The following SEPTIN4 variants were observed in gnomAD, a reference collection of about 807,000 sequenced individuals.
SEPTIN4 encodes the protein septin 4, also known as septin-4.
A neutral mutation model predicts 107.1 loss-of-function variants in SEPTIN4; 52 were observed. The ratio of observed to expected loss-of-function variants is 0.49; its 90% CI spans 0.39 to 0.61. SEPTIN4 has a LOEUF of 0.61. SEPTIN4 is among the 20% of genes least tolerant of loss of function. The pLI, the probability that SEPTIN4 is intolerant of heterozygous loss-of-function variation, is 0.00. For synonymous variants in SEPTIN4, 417 were observed against 467.0 expected (o/e 0.89, Z 1.38); for missense variants, 1,048 against 1,243.5 (o/e 0.84, Z 2.36).
chr17:58,540,460 A>G (rs2043847511), intron 3 of SEPTIN4, among the ~76,000 whole-genome samples: 1 of 152,222 alleles, frequency 6.6e-6, no homozygotes, highest in Non-Finnish European at 1.5e-5. Context: ...CCACAGGTGC[A>G]CAGCTTGGCA....
At chr17:58,525,817 G>A (rs1485594222) in intron 5 of SEPTIN4, 36 bp from the exon 6 acceptor site, 1 of 1,577,894 alleles carries the variant, frequency 6.3e-7, no homozygotes, top group Non-Finnish European at 8.7e-7. Flanking sequence ...CAAATCAGAA[G>A]GTAAGATCTA....
At chr17:58,528,734 C>T (rs1457701122) in intron 3 of SEPTIN4, among the ~76,000 whole-genome samples, 5 of 152,222 alleles carry the variant, frequency 3.3e-5, no homozygotes, top group Non-Finnish European at 5.9e-5. Context: ...AATGACCCAG[C>T]CGTTGGTCTG....
chr17:58,539,275 C>A, intron 3 of SEPTIN4: 1 of 1,015,522 alleles, frequency 9.8e-7, no homozygotes, highest in African/African-American at 1.6e-5. Context: ...AGGCTTTTGA[C>A]TTCCTAAACT....
chr17:58,539,316 G>A, intron 3 of SEPTIN4: 2 of 632,222 alleles, frequency 3.2e-6, no homozygotes, highest in Non-Finnish European at 5.3e-6. Context: ...AGGGGATGAA[G>A]GTGGGGGAGA....
intron 3 of SEPTIN4, among the ~76,000 whole-genome samples, chr17:58,533,957 C>A (rs2043622933): frequency 6.6e-6 from 1 of 152,204 alleles, no homozygotes; most frequent in Non-Finnish European, 1.5e-5. Context: ...ATGCCCCTCC[C>A]CGTGGCCTCA....
intron 7 of SEPTIN4, among the ~76,000 whole-genome samples, chr17:58,523,446 C>A (rs1304434891): frequency 2.0e-5 from 3 of 151,772 alleles, no homozygotes; most frequent in Non-Finnish European, 2.9e-5. Context: ...CTAGTAAATT[C>A]TCTACCCACC....
Position 58,520,822 on chromosome 17 carries a change from C to T in SEPTIN4, c.2852G>A (p.Gly951Asp). The T allele has an allele frequency of 6.2e-7, 1 of 1,612,898 alleles. No individual in the cohort carries two copies. The highest frequency in any genetic ancestry group is 8.5e-7 in the Non-Finnish European group (1 of 1,179,782). The change falls in exon 13 of 14, where the codon GGT (glycine) becomes GAT (aspartate). Residue 951 changes from glycine to aspartate, a missense_variant. This residue lies in a region of SEPTIN4 where 261 missense variants were observed against 371.7 expected (regional missense o/e 0.70). Coordinates refer to ENST00000672673, the MANE Select transcript of SEPTIN4 (RefSeq NM_001368771.2). ...RNRNKLTRES[G>D]TDFPIPAVPP... ...GACAGCAGGGATGGGGAAGTCGGTA[C>T]CACTTTCCCGAGTCAGTTTGCTAAA...
chr17:58,535,754 C>CT, intron 3 of SEPTIN4, among the ~76,000 whole-genome samples: 1 of 152,214 alleles, frequency 6.6e-6, no homozygotes, highest in Non-Finnish European at 1.5e-5. Context: ...TATGTCTTTT[C>CT]TTTTAACCTC....
intron 2 of SEPTIN4, 142 bp from the exon 3 acceptor site, chr17:58,540,815 A>T: frequency 1.3e-6 from 1 of 787,850 alleles, no homozygotes; most frequent in Non-Finnish European, 1.8e-6. Flanking sequence ...TTCCTAGTGC[A>T]AGTGGCCCAA....
chr17:58,536,551 A>G (rs1340895103), intron 3 of SEPTIN4, among the ~76,000 whole-genome samples: 2 of 152,108 alleles, frequency 1.3e-5, no homozygotes, highest in Non-Finnish European at 2.9e-5. Flanking sequence ...AGACCTACCG[A>G]CCCAAATTCC....
At chr17:58,522,664 A>AAAAAAC (rs1256148165) in intron 7 of SEPTIN4, among the ~76,000 whole-genome samples, 1 of 151,808 alleles carries the variant, frequency 6.6e-6, no homozygotes, top group Non-Finnish European at 1.5e-5. Context: ...CAAAAAAAAA[A>AAAAAAC]AAAAAAAGAA....
chr17:58,527,066 G>A, intron 3 of SEPTIN4, 88 bp from the exon 4 acceptor site: 5 of 1,600,248 alleles, frequency 3.1e-6, no homozygotes, highest in Non-Finnish European at 4.3e-6. Flanking sequence ...GAAGACAGGA[G>A]AAGGCAAGAG....
intron 3 of SEPTIN4, chr17:58,529,466 T>G (rs2043271561): frequency 7.6e-7 from 1 of 1,320,880 alleles, no homozygotes; most frequent in Admixed American, 3.2e-5. Flanking sequence ...CCTCCTCTGA[T>G]TGGCTGTCCC....
intron 3 of SEPTIN4, chr17:58,531,411 G>A (rs1988498725): frequency 6.6e-6 from 1 of 152,352 alleles, no homozygotes; most frequent in South Asian, 2.1e-4. Context: ...CCCTCTCTGG[G>A]GTCCCTTTGG....
chr17:58,528,509 T>C (rs2043168324), intron 3 of SEPTIN4: 1 of 152,576 alleles, frequency 6.6e-6, no homozygotes, highest in African/African-American at 2.4e-5. Context: ...CCTATGACAT[T>C]TGTGAGGTCC....
rs762621895 is a variant in SEPTIN4, at chr17:58,520,869, C to G, written c.2832-27G>C. ...TAAAGGGAGAAAAGGGTTGATAAGGCGAGGAGGACCCCAGCACCCGCTTAG... is the reference window on the plus strand; with the variant it reads ...TAAAGGGAGAAAAGGGTTGATAAGGGGAGGAGGACCCCAGCACCCGCTTAG... On this transcript the variant is annotated intron_variant, in intron 12 of 13. Coordinates refer to ENST00000672673, the MANE Select transcript of SEPTIN4 (RefSeq NM_001368771.2). 9.9e-6 allele frequency: 16 copies of G among 1,613,890 alleles called. 1 individual carries two copies. The South Asian group carries it at 1.8e-4, about 18-fold the overall frequency.
At chr17:58,525,537 T>G in intron 6 of SEPTIN4, 158 bp downstream of exon 6, 1 of 662,602 alleles carries the variant, frequency 1.5e-6, no homozygotes, top group Non-Finnish European at 2.6e-6. Context: ...GGGAGCTGGC[T>G]GGTGGGCTGC....
intron 3 of SEPTIN4, chr17:58,539,158 T>C: frequency 6.5e-7 from 1 of 1,534,840 alleles, no homozygotes; most frequent in Non-Finnish European, 8.7e-7. Context: ...TTGGGAGCCT[T>C]CTTTTCTTGG....
In SEPTIN4 at chr17:58,521,923, T is replaced by C; in HGVS notation, c.2351+44A>G. The C allele has an allele frequency of 1.9e-6, 3 of 1,614,248 alleles. No homozygotes were observed. Among genetic ancestry groups the C allele is most frequent in the Non-Finnish European group, 2.5e-6 (3 of 1,180,038 alleles). On this transcript the variant is annotated intron_variant, in intron 8 of 13. Transcript: ENST00000672673. The surrounding 1 kb of genome is among the most constrained non-coding windows in gnomAD (Gnocchi z 6.4). ...CCCTGGTGCTCTTGGCCTGTTCCCT[T>C]GACAGCACCCGGTGGTGCCAGGAGC... is the stretch of plus-strand genomic sequence containing the variant.
Sources: allele counts gnomAD v4.1 joint callset (sites outside exome capture counted in the v4.1 genomes callset), GRCh38; gene constraint gnomAD v4.1.1; regional missense constraint gnomAD v4.1.1; non-coding constraint Gnocchi (gnomAD v3.1); transcripts MANE v1.5; gene names NCBI Gene and HGNC (gene_info 2026-07-23, HGNC 2026-07-21).